The following FRMD4A variants were observed in gnomAD, a reference collection of about 807,000 sequenced individuals.
The protein encoded by FRMD4A is FERM domain-containing protein 4A.
A neutral mutation model predicts 129.1 loss-of-function variants in FRMD4A; 29 were observed. That is an observed-to-expected ratio of 0.22 (90% CI 0.17 to 0.31). The LOEUF (loss-of-function observed/expected upper bound fraction) is 0.31, where lower values mean the gene tolerates loss of function less well. Among genes scored for constraint, FRMD4A ranks in the 10% least tolerant of loss-of-function variants. The probability of loss-of-function intolerance (pLI) is 1.00; values close to 1 mark genes in which losing one functional copy is unlikely to be tolerated. For synonymous variants in FRMD4A, 634 were observed against 571.6 expected (o/e 1.11, Z -1.56); for missense variants, 1,272 against 1,375.8 (o/e 0.92, Z 1.19).
chr10:14,241,105 G>T (rs1308506872), intron 2 of FRMD4A, among the ~76,000 whole-genome samples: 1 of 152,148 alleles, frequency 6.6e-6, no homozygotes, highest in Non-Finnish European at 1.5e-5. Flanking sequence ...GGGTTCTGCT[G>T]GTTTAATGAG....
At chr10:14,122,144 G>A (rs1449615623) in intron 2 of FRMD4A, among the ~76,000 whole-genome samples, 1 of 152,172 alleles carries the variant, frequency 6.6e-6, no homozygotes, top group African/African-American at 2.4e-5. Flanking sequence ...GTCTCCATTT[G>A]TTAAATGGAA....
intron 2 of FRMD4A, among the ~76,000 whole-genome samples, chr10:14,210,027 A>T (rs1842893947): frequency 6.6e-6 from 1 of 152,230 alleles, no homozygotes; most frequent in East Asian, 1.9e-4. Context: ...CCCTGCAGGC[A>T]TCTCAATTTC....
chr10:13,934,590 C>T (rs972553976), intron 2 of FRMD4A, among the ~76,000 whole-genome samples: 4 of 152,060 alleles, frequency 2.6e-5, no homozygotes, highest in African/African-American at 4.8e-5. Context: ...ACTGAAGGTT[C>T]CTTAGGGCCT....
intron 3 of FRMD4A, among the ~76,000 whole-genome samples, chr10:13,811,884 GTT>G (rs775972279): frequency 0.018 from 2,394 of 134,750 alleles, 43 homozygotes; most frequent in African/African-American, 0.06. Context: ...TTATCTGTTG[GTT>G]TTTTTTTTTT....
intron 2 of FRMD4A, among the ~76,000 whole-genome samples, chr10:13,868,751 A>G (rs947013694): frequency 2.6e-5 from 4 of 152,080 alleles, no homozygotes; most frequent in African/African-American, 9.7e-5. Context: ...GTGAACTGAG[A>G]TCAGGCCACT....
rs1295746915 is a variant in FRMD4A at position 14,089,636 on chromosome 10, AAAACAAAC to A, written c.46-230732_46-230725del. On this transcript the variant is annotated intron_variant, in intron 2 of 24. Transcript: ENST00000357447. Reference sequence around the variant, plus strand: ...TTTCAAGCAAAAAAAAAAACAAAAAAAAACAAACAAAAAAAAAACAGAAGAAAGAAATA... The same window carrying A: ...TTTCAAGCAAAAAAAAAAACAAAAAAAAAAAAAAAACAGAAGAAAGAAATA... Among the ~76,000 whole-genome samples the A allele has an allele frequency of 6.5e-4, 92 of 141,250 alleles. 1 individual carries two copies. The highest frequency in any genetic ancestry group is 2.6e-3 in the African/African-American group (92 of 35,508). The allele number at this position is 141,250 out of a possible 152,430, so 92.7% of individuals were successfully genotyped here. A position where few individuals can be genotyped will look rare whatever the true frequency, so the allele number is the denominator to read the frequency against.
At chr10:14,206,535 C>T (rs746591161) in intron 2 of FRMD4A, among the ~76,000 whole-genome samples, 19 of 151,998 alleles carry the variant, frequency 1.3e-4, no homozygotes, top group African/African-American at 3.6e-4. Context: ...CAGTGGCTCA[C>T]GCCTGTAATC....
chr10:14,104,197 C>G (rs1035138354), intron 2 of FRMD4A, among the ~76,000 whole-genome samples: 4 of 151,932 alleles, frequency 2.6e-5, no homozygotes, highest in African/African-American at 9.7e-5. Context: ...ATCGACATTA[C>G]AGTGCCATGG....
At chr10:14,154,225 A>G (rs1189109242) in intron 2 of FRMD4A, among the ~76,000 whole-genome samples, 1 of 152,126 alleles carries the variant, frequency 6.6e-6, no homozygotes, top group Non-Finnish European at 1.5e-5. Flanking sequence ...GGTGCTGAAG[A>G]CCAAGGAAGG....
At chr10:14,208,761 G>A (rs1247256325) in intron 2 of FRMD4A, among the ~76,000 whole-genome samples, 1 of 152,142 alleles carries the variant, frequency 6.6e-6, no homozygotes, top group Non-Finnish European at 1.5e-5. Context: ...CACAGTTTGG[G>A]ACTCTGGCCT....
chr10:14,104,119 C>T (rs1837454399), intron 2 of FRMD4A, among the ~76,000 whole-genome samples: 2 of 152,176 alleles, frequency 1.3e-5, no homozygotes, highest in South Asian at 4.1e-4. Flanking sequence ...ACATCGCCAT[C>T]AAGGTCTACA....
At position 13,656,566 on chromosome 10, in the gene FRMD4A, G is replaced by A. The variant is rs534805903; in HGVS notation, c.2953+70C>T. On this transcript the variant is annotated intron_variant, in intron 22 of 24. Transcript: ENST00000357447. ...CCAGTCCTAAGGGTACCTTCCCCGC[G>A]GTAGCCCTTGACACCGGCAAGCAGT... 23 of 1,315,836 alleles carry A rather than the reference G, an allele frequency of 1.7e-5. No individual in the cohort carries two copies. In the South Asian group the frequency reaches 4.3e-4, roughly 24 times the overall value. 81.5% of individuals were successfully genotyped at this position (1,315,836 alleles called of 1,614,324 possible).
At position 14,075,765 on chromosome 10, in the gene FRMD4A, T is replaced by C. The variant is rs1045168869; in HGVS notation, c.46-216853A>G. ...TATATTTTATATTTATACACACACATATGTATATGCACACACACACACATA... is the reference window on the plus strand; with the variant it reads ...TATATTTTATATTTATACACACACACATGTATATGCACACACACACACATA... On this transcript the variant is annotated intron_variant, in intron 2 of 24. Transcript: ENST00000357447. Among the ~76,000 whole-genome samples, 12 of 133,652 alleles carry C rather than the reference T, an allele frequency of 9.0e-5. No individual in the cohort carries two copies. The South Asian group carries it at 2.7e-3, about 30-fold the overall frequency. The allele number at this position is 133,652 out of a possible 152,430, so 87.7% of individuals were successfully genotyped here.
chr10:14,086,043 A>G (rs76943898), intron 2 of FRMD4A, among the ~76,000 whole-genome samples: 3,601 of 152,288 alleles, frequency 0.024, 125 homozygotes, highest in African/African-American at 0.08. Flanking sequence ...ATCTAAAGGC[A>G]TATACTTCCA....
At chr10:13,674,826 C>T (rs2083836875) in intron 16 of FRMD4A, 85 bp downstream of exon 16, 1 of 1,400,150 alleles carries the variant, frequency 7.1e-7, no homozygotes, top group Non-Finnish European at 1.0e-6. Flanking sequence ...AGTCAAATGA[C>T]ATCAAAAAGA....
chr10:13,693,761 T>TTGG (rs1324123921), intron 15 of FRMD4A, 137 bp downstream of exon 15: 1 of 905,698 alleles, frequency 1.1e-6, no homozygotes, highest in Admixed American at 2.0e-5. Context: ...GATCCCAACC[T>TTGG]TGGTCTGGAA....
At chr10:13,869,846 AG>A (rs2094419560) in intron 2 of FRMD4A, among the ~76,000 whole-genome samples, 1 of 152,198 alleles carries the variant, frequency 6.6e-6, no homozygotes, top group South Asian at 2.1e-4. Context: ...ACACACAATT[AG>A]GAAGATTTAT....
chr10:14,095,517 G>C lies in FRMD4A; in HGVS notation c.45+234541C>G, dbSNP rs116373878. Among the ~76,000 whole-genome samples the C allele has an allele frequency of 2.1e-3, 313 of 152,288 alleles. 3 individuals are homozygous for C. Among genetic ancestry groups the C allele is most frequent in the African/African-American group, 7.3e-3 (302 of 41,544 alleles). ...AGCTATTAATATAACAATGCATAAA[G>C]AGCCGAAGCACCTCGCCGGGATACT... On this transcript the variant is annotated intron_variant, in intron 2 of 24. Transcript: ENST00000357447.
intron 2 of FRMD4A, among the ~76,000 whole-genome samples, chr10:14,288,337 G>A (rs1845747286): frequency 6.6e-6 from 1 of 152,138 alleles, no homozygotes; most frequent in South Asian, 2.1e-4. Flanking sequence ...AGGTGGTGGG[G>A]GCTGGAGGTA....
Sources: allele counts gnomAD v4.1 joint callset (sites outside exome capture counted in the v4.1 genomes callset), GRCh38; gene constraint gnomAD v4.1.1; transcripts MANE v1.5; gene names NCBI Gene and HGNC (gene_info 2026-07-23, HGNC 2026-07-21).